Variants in UST observed in about 807,000 individuals in gnomAD.
The protein encoded by UST is chondroitin sulfate 2-O-sulfotransferase.
A neutral mutation model predicts 45.6 loss-of-function variants in UST; 21 were observed. The ratio of observed to expected loss-of-function variants is 0.46; its 90% CI spans 0.33 to 0.66. UST has a LOEUF of 0.66. Ranked by LOEUF, UST falls within the 30% of genes least tolerant of loss-of-function variation. The pLI is 0.02. For synonymous variants in UST, 215 were observed against 200.6 expected (o/e 1.07, Z -0.61); for missense variants, 463 against 512.4 (o/e 0.90, Z 0.93).
chr6:148,922,676 T>G (rs1779735190), intron 2 of UST, among the ~76,000 whole-genome samples: 1 of 151,512 alleles, frequency 6.6e-6, no homozygotes. Flanking sequence ...GGTTTCACTG[T>G]GTTAGCCAGG....
chr6:148,941,241 C>T (rs768820619), intron 2 of UST, 38 bp from the exon 3 acceptor site: 19 of 1,609,648 alleles, frequency 1.2e-5, no homozygotes, highest in African/African-American at 6.7e-5. Context: ...TATTTCCATA[C>T]AGACGTTTCA....
chr6:148,973,570 T>A (rs569037121), intron 5 of UST, among the ~76,000 whole-genome samples: 3 of 152,378 alleles, frequency 2.0e-5, no homozygotes, highest in African/African-American at 7.2e-5. Context: ...AGCGATGGGA[T>A]GAAGTTTTAT....
intron 1 of UST, among the ~76,000 whole-genome samples, chr6:148,853,995 T>C (rs923699728): frequency 6.6e-6 from 1 of 152,218 alleles, no homozygotes; most frequent in Non-Finnish European, 1.5e-5. Context: ...TATAACAAAG[T>C]TCTTTCTTTC....
Position 148,819,984 on chromosome 6 carries a change from C to A in UST, c.248-67002C>A, listed in dbSNP as rs116621161. Among the ~76,000 whole-genome samples the A allele has an allele frequency of 4.9e-3, 741 of 152,270 alleles. 4 individuals are homozygous for A. The highest frequency in any genetic ancestry group is 0.017 in the African/African-American group (690 of 41,550). ...AGAATGCTCCGAAGGCCCATCTGTA[C>A]CCATGGGGGCCTCTCTCTCCGGGTG... On this transcript the variant is annotated intron_variant, in intron 1 of 7. Transcript: ENST00000367463.
intron 3 of UST, among the ~76,000 whole-genome samples, chr6:148,950,374 G>C (rs189641065): frequency 6.6e-6 from 1 of 152,270 alleles, no homozygotes; most frequent in East Asian, 1.9e-4. Flanking sequence ...CTGTGCTTCT[G>C]TATCTAATCC....
intron 4 of UST, among the ~76,000 whole-genome samples, chr6:148,961,511 A>G (rs1285874514): frequency 6.6e-6 from 1 of 152,248 alleles, no homozygotes; most frequent in Non-Finnish European, 1.5e-5. Flanking sequence ...GAAACAACAA[A>G]AAGTTAAAAG....
chr6:148,779,326 A>G (rs972764660), intron 1 of UST, among the ~76,000 whole-genome samples: 1 of 152,158 alleles, frequency 6.6e-6, no homozygotes, highest in African/African-American at 2.4e-5. Flanking sequence ...AGCTCTTTTT[A>G]AGAATACTTT....
intron 4 of UST, among the ~76,000 whole-genome samples, chr6:148,962,417 G>C (rs2114955380): frequency 6.6e-6 from 1 of 152,320 alleles, no homozygotes; most frequent in South Asian, 2.1e-4. Flanking sequence ...GAACAGTTGA[G>C]GTTTTTAAAA....
At chr6:148,962,086 A>G (rs1391653362) in intron 4 of UST, among the ~76,000 whole-genome samples, 1 of 152,238 alleles carries the variant, frequency 6.6e-6, no homozygotes, top group Non-Finnish European at 1.5e-5. Context: ...AGATATATAC[A>G]AGACACCTGT....
chr6:149,061,221 G>A (rs1776650639), intron 7 of UST, among the ~76,000 whole-genome samples: 1 of 152,152 alleles, frequency 6.6e-6, no homozygotes, highest in Non-Finnish European at 1.5e-5. Context: ...CCAGAGCCAG[G>A]GCTACATCGT....
At chr6:148,903,681 C>T (rs1229194409) in intron 2 of UST, among the ~76,000 whole-genome samples, 8 of 152,176 alleles carry the variant, frequency 5.3e-5, no homozygotes, top group Non-Finnish European at 8.8e-5. Context: ...TACTGGTGAC[C>T]GGAAGAGGAA....
intron 2 of UST, among the ~76,000 whole-genome samples, chr6:148,915,600 T>C (rs1779573436): frequency 6.6e-6 from 1 of 152,194 alleles, no homozygotes; most frequent in Non-Finnish European, 1.5e-5. Flanking sequence ...TAATAAGGTA[T>C]TTCAAAGACT....
chr6:149,046,785 C>A (rs550335648), intron 7 of UST, among the ~76,000 whole-genome samples: 1 of 152,220 alleles, frequency 6.6e-6, no homozygotes, highest in Non-Finnish European at 1.5e-5. Flanking sequence ...TCAACTTAGT[C>A]AAGTTTTTGA....
intron 5 of UST, among the ~76,000 whole-genome samples, chr6:148,985,184 T>C (rs916255270): frequency 1.3e-5 from 2 of 152,194 alleles, no homozygotes; most frequent in African/African-American, 2.4e-5. Context: ...ATATGTGGAA[T>C]TGGAAGTTAT....
intron 1 of UST, among the ~76,000 whole-genome samples, chr6:148,822,829 T>C (rs1562268315): frequency 6.6e-6 from 1 of 152,338 alleles, no homozygotes; most frequent in East Asian, 1.9e-4. Flanking sequence ...ACTATATATA[T>C]TATGGATAGT....
chr6:148,825,358 G>C (rs1470636963), intron 1 of UST, among the ~76,000 whole-genome samples: 1 of 152,188 alleles, frequency 6.6e-6, no homozygotes, highest in East Asian at 1.9e-4. Flanking sequence ...CAGGTCCTTT[G>C]TGCATCCCCT....
intron 5 of UST, among the ~76,000 whole-genome samples, chr6:148,972,283 C>T (rs2114969408): frequency 6.6e-6 from 1 of 152,200 alleles, no homozygotes; most frequent in East Asian, 1.9e-4. Context: ...GAGAGGCGGA[C>T]AGAGGAGAGG....
chr6:148,760,116 G>A (rs1390520224), intron 1 of UST, among the ~76,000 whole-genome samples: 1 of 152,084 alleles, frequency 6.6e-6, no homozygotes. Flanking sequence ...AACATTTTAG[G>A]CCATCGTTGT....
At chr6:148,958,030 A>C (rs772169617) in intron 4 of UST, among the ~76,000 whole-genome samples, 8 of 152,278 alleles carry the variant, frequency 5.3e-5, no homozygotes, top group Non-Finnish European at 1.2e-4. Flanking sequence ...AATGGTCAGA[A>C]CTTTTGAAGG....
Sources: allele counts gnomAD v4.1 joint callset (sites outside exome capture counted in the v4.1 genomes callset), GRCh38; gene constraint gnomAD v4.1.1; transcripts MANE v1.5; gene names NCBI Gene and HGNC (gene_info 2026-07-23, HGNC 2026-07-21).